The following NHSL1 variants were observed in gnomAD, a reference collection of about 807,000 sequenced individuals.
The protein encoded by NHSL1 is NHS like 1.
NHSL1 carries 48 observed loss-of-function variants against 95.0 expected under a neutral mutation model. That is an observed-to-expected ratio of 0.51 (90% CI 0.40 to 0.64). The LOEUF is 0.64. NHSL1 is among the 30% of genes least tolerant of loss of function. The pLI is 0.00. For synonymous variants in NHSL1, 783 were observed against 833.9 expected (o/e 0.94, Z 1.05); for missense variants, 1,971 against 2,077.7 (o/e 0.95, Z 1.00).
chr6:138,499,259 G>A lies in NHSL1; in HGVS notation c.32C>T (p.Ser11Phe). ...TTTCTTCTTAAAAAGTTTAATTAAA[G>A]ACTTAATCTTTGCATTAATGAAGAC... MVVFINAKIK[S>F]LIKLFKKKTV... The change falls in exon 1 of 8, where the codon TCT becomes TTT. Residue 11 changes from serine (S) to phenylalanine (F), a missense_variant. Coordinates refer to ENST00000343505, the MANE Select transcript of NHSL1 (RefSeq NM_001144060.2). 6.5e-7 allele frequency: 1 copy of A among 1,549,978 alleles called. No individual in the cohort carries two copies. Among genetic ancestry groups the A allele is most frequent in the South Asian group, 1.2e-5 (1 of 84,012 alleles).
At chr6:138,636,452 A>C (rs1784890065) in intron 1 of NHSL1, among the ~76,000 whole-genome samples, 1 of 152,230 alleles carries the variant, frequency 6.6e-6, no homozygotes, top group African/African-American at 2.4e-5. Context: ...AGGGCATCCA[A>C]ACTGGAAAGG....
rs556825387 is a variant in NHSL1 at position 138,496,175 on chromosome 6, G to A, written c.211+44C>T. On this transcript the variant is annotated intron_variant, in intron 2 of 7. Coordinates refer to ENST00000343505, the MANE Select transcript of NHSL1 (RefSeq NM_001144060.2). Reference sequence around the variant, plus strand: ...AGATATCAAATTTATGCTCTCAGCAGCCAGTAACCCAAGAAAATAAGCTCA... The same window carrying A: ...AGATATCAAATTTATGCTCTCAGCAACCAGTAACCCAAGAAAATAAGCTCA... 5.8e-6 allele frequency: 9 copies of A among 1,543,900 alleles called. No homozygotes were observed. The South Asian group carries it at 9.6e-5, about 16-fold the overall frequency.
intron 1 of NHSL1, among the ~76,000 whole-genome samples, chr6:138,511,107 T>C (rs1235457750): frequency 6.6e-6 from 1 of 152,214 alleles, no homozygotes; most frequent in Non-Finnish European, 1.5e-5. Flanking sequence ...GCACTGACTT[T>C]GTAAAAATGA....
intron 1 of NHSL1, among the ~76,000 whole-genome samples, chr6:138,639,616 T>G (rs1784932904): frequency 6.7e-6 from 1 of 148,304 alleles, no homozygotes; most frequent in African/African-American, 2.5e-5. Flanking sequence ...CACTCCAGCC[T>G]GGGCAACAGA....
chr6:138,585,496 T>C (rs1185074131), intron 1 of NHSL1, among the ~76,000 whole-genome samples: 1 of 152,134 alleles, frequency 6.6e-6, no homozygotes, highest in Non-Finnish European at 1.5e-5. Context: ...AGCACAAATA[T>C]AGCTACCTTA....
At chr6:138,487,464 T>C (rs893700298) in intron 2 of NHSL1, among the ~76,000 whole-genome samples, 6 of 152,376 alleles carry the variant, frequency 3.9e-5, no homozygotes, top group Admixed American at 3.9e-4. Flanking sequence ...TCCAGCCCAG[T>C]GCTTCACTTG....
In NHSL1 at chr6:138,564,933, G is replaced by A. The variant is rs1429168191; in HGVS notation, c.202+6777C>T. ...CCTGGCACAGGGAATAAGAGGGAAC[G>A]GGAGGTGCCAGTTTCTGGAGTTGTG... is the stretch of plus-strand genomic sequence containing the variant. On this transcript the variant is annotated intron_variant, in intron 1 of 6. Coordinates refer to the NHSL1 transcript ENST00000427025. Among the ~76,000 whole-genome samples, 6 of 152,270 alleles carry A rather than the reference G, an allele frequency of 3.9e-5. No individual in the cohort carries two copies. The South Asian group carries it at 8.3e-4, about 21-fold the overall frequency.
At chr6:138,656,976 T>C (rs1016240992) in intron 1 of NHSL1, among the ~76,000 whole-genome samples, 1 of 152,202 alleles carries the variant, frequency 6.6e-6, no homozygotes, top group African/African-American at 2.4e-5. Flanking sequence ...TGTGGATTTA[T>C]TATCTAGATC....
chr6:138,512,973 C>T (rs776313560), intron 1 of NHSL1, among the ~76,000 whole-genome samples: 6 of 152,202 alleles, frequency 3.9e-5, no homozygotes, highest in Non-Finnish European at 5.9e-5. Flanking sequence ...TCAATCTGTT[C>T]GTGCTCTGCC....
intron 3 of NHSL1, among the ~76,000 whole-genome samples, chr6:138,456,237 G>T (rs527564968): frequency 6.6e-6 from 1 of 152,282 alleles, no homozygotes; most frequent in East Asian, 1.9e-4. Context: ...CTTTACAGTT[G>T]AGGAACCTGA....
intron 1 of NHSL1, among the ~76,000 whole-genome samples, chr6:138,667,964 TA>T (rs1242289236): frequency 1.4e-4 from 21 of 152,378 alleles, no homozygotes; most frequent in African/African-American, 4.6e-4. Context: ...TTTTAATAGT[TA>T]ATATTTAACT....
intron 1 of NHSL1, among the ~76,000 whole-genome samples, chr6:138,642,314 T>A (rs1784969512): frequency 6.6e-6 from 1 of 152,202 alleles, no homozygotes; most frequent in South Asian, 2.1e-4. Context: ...TGCAATTTTA[T>A]ACACACATGC....
At position 138,626,621 on chromosome 6, in the gene NHSL1, C is replaced by T. The variant is rs890489105; in HGVS notation, c.96+65855G>A. ...CTTAAAAAAAATTGTAGGCCGGGCG[C>T]GGTGGCTCACGCCTGTAATCCCAGC... On this transcript the variant is annotated intron_variant, in intron 1 of 3. Transcript: ENST00000491526. Among the ~76,000 whole-genome samples the T allele has an allele frequency of 2.8e-5, 2 of 71,392 alleles. 1 individual carries two copies. Among genetic ancestry groups the T allele is most frequent in the Non-Finnish European group, 5.3e-5 (2 of 37,630 alleles). 46.8% of individuals were successfully genotyped at this position (71,392 alleles called of 152,430 possible).
chr6:138,444,131 C>G (rs1928276), intron 4 of NHSL1, among the ~76,000 whole-genome samples: 14,012 of 152,162 alleles, frequency 0.092, 2,019 homozygotes, highest in African/African-American at 0.31. Flanking sequence ...TGTTGAATTA[C>G]TCACTGCCTT....
At chr6:138,493,567 C>A (rs1780192054) in intron 2 of NHSL1, among the ~76,000 whole-genome samples, 1 of 152,226 alleles carries the variant, frequency 6.6e-6, no homozygotes, top group South Asian at 2.1e-4. Flanking sequence ...TTCAAACTCA[C>A]ACATACCTTC....
intron 3 of NHSL1, among the ~76,000 whole-genome samples, chr6:138,464,997 G>A (rs1778265387): frequency 6.7e-6 from 1 of 148,896 alleles, no homozygotes; most frequent in Non-Finnish European, 1.5e-5. Context: ...ACAGGCATGA[G>A]CCACCTTGCC....
chr6:138,427,388 C>A (rs538586181), intron 7 of NHSL1, among the ~76,000 whole-genome samples: 2 of 151,456 alleles, frequency 1.3e-5, no homozygotes, highest in South Asian at 4.2e-4. Context: ...TGCAGTGATC[C>A]AAGATCGCGC....
intron 3 of NHSL1, among the ~76,000 whole-genome samples, chr6:138,457,900 C>T (rs1336105193): frequency 2.0e-5 from 3 of 151,056 alleles, no homozygotes; most frequent in East Asian, 2.0e-4. Context: ...CCCAGCTACT[C>T]GGGAGGCTGA....
chr6:138,607,246 T>C (rs1784447168), intron 1 of NHSL1, among the ~76,000 whole-genome samples: 1 of 152,200 alleles, frequency 6.6e-6, no homozygotes, highest in South Asian at 2.1e-4. Context: ...AGCTATGGTG[T>C]TAATGCTGTC....
Sources: gnomAD v4.1 joint callset for allele counts (sites outside exome capture counted in the v4.1 genomes callset) on GRCh38, gnomAD v4.1.1 for gene constraint, MANE v1.5 for transcripts, NCBI Gene and HGNC (gene_info 2026-07-23, HGNC 2026-07-21) for gene names.